ANKRD30A: variants seen among roughly 807,000 people sequenced by gnomAD.
The protein encoded by ANKRD30A is ankyrin repeat domain-containing protein 30A.
Under a neutral mutation model 166.3 loss-of-function variants are expected in ANKRD30A, and 170 were observed. That is an observed-to-expected ratio of 1.02 (90% CI 0.90 to 1.16). ANKRD30A has a LOEUF of 1.16. Ranked by LOEUF, ANKRD30A falls within the 50% of genes most tolerant of loss-of-function variation. The pLI is 0.00. For synonymous variants in ANKRD30A, 564 were observed against 508.9 expected (o/e 1.11, Z -1.46); for missense variants, 1,630 against 1,518.0 (o/e 1.07, Z -1.23).
chr10:37,193,962 A>C (rs1840829323), intron 27 of ANKRD30A, among the ~76,000 whole-genome samples: 1 of 152,146 alleles, frequency 6.6e-6, no homozygotes, highest in Non-Finnish European at 1.5e-5. Context: ...TGGGAGAGAA[A>C]GGCAGACAGA....
the ANKRD30A span, among the ~76,000 whole-genome samples, chr10:37,237,744 C>A: frequency 4.6e-5 from 7 of 152,292 alleles, no homozygotes; most frequent in South Asian, 1.4e-3. Flanking sequence ...TTTAATATCT[C>A]ATAAGCTATA....
chr10:37,167,152 C>T lies in ANKRD30A; in HGVS notation c.2155+457C>T, dbSNP rs183303792. Among the ~76,000 whole-genome samples the T allele has an allele frequency of 5.4e-3, 812 of 151,586 alleles. 12 individuals carry two copies. Among genetic ancestry groups the T allele is most frequent in the African/African-American group, 0.019 (778 of 41,198 alleles). ...GAAGGAAAATGGAGTGAGCTCACTT[C>T]GGAAGCATTTAGAAAAGTTTTACTG... On this transcript the variant is annotated intron_variant, in intron 19 of 35. Transcript: ENST00000361713.
intron 5 of ANKRD30A, among the ~76,000 whole-genome samples, chr10:37,134,742 A>G (rs1242472269): frequency 1.3e-5 from 2 of 152,218 alleles, no homozygotes; most frequent in Non-Finnish European, 1.5e-5. Context: ...TGTGAAACCC[A>G]CATCTTAGCC....
intron 7 of ANKRD30A, among the ~76,000 whole-genome samples, chr10:37,144,489 G>A (rs186226526): frequency 6.6e-6 from 1 of 152,150 alleles, no homozygotes. Flanking sequence ...TACTGTCATG[G>A]CATATTGAAA....
intron 31 of ANKRD30A, among the ~76,000 whole-genome samples, chr10:37,209,360 G>A (rs2132714914): frequency 6.6e-6 from 1 of 152,250 alleles, no homozygotes. Flanking sequence ...GAGGCCTGTG[G>A]AAGCTTACAA....
At chr10:37,183,778 A>G (rs1840202137) in intron 24 of ANKRD30A, among the ~76,000 whole-genome samples, 1 of 148,234 alleles carries the variant, frequency 6.7e-6, no homozygotes, top group Non-Finnish European at 1.5e-5. Context: ...GCAGTTTTAT[A>G]TTTAAAGTAT....
At chr10:37,156,078 C>CA (rs35340454) in intron 13 of ANKRD30A, among the ~76,000 whole-genome samples, 19,090 of 132,098 alleles carry the variant, frequency 0.14, 1,406 homozygotes, top group Middle Eastern at 0.23. Context: ...GATACGCTAT[C>CA]AAAAAAAAAA....
At chr10:37,201,501 T>C (rs992422452) in intron 31 of ANKRD30A, among the ~76,000 whole-genome samples, 176 bp downstream of exon 31, 3 of 152,050 alleles carry the variant, frequency 2.0e-5, no homozygotes, top group African/African-American at 7.2e-5. Context: ...AAAGACTATA[T>C]TGAGAGTGCT....
intron 31 of ANKRD30A, among the ~76,000 whole-genome samples, chr10:37,210,885 G>C (rs1842271392): frequency 6.6e-6 from 1 of 152,122 alleles, no homozygotes. Context: ...CAGATGGATA[G>C]ATTGCAAAAA....
intron 34 of ANKRD30A, among the ~76,000 whole-genome samples, chr10:37,225,638 G>T (rs1014389850): frequency 1.3e-5 from 2 of 151,658 alleles, no homozygotes; most frequent in South Asian, 4.1e-4. Flanking sequence ...ATTTTTTTGG[G>T]CTTGATTCTA....
chr10:37,236,312 G>A (rs963183826), downstream of ANKRD30A, among the ~76,000 whole-genome samples: 4 of 152,136 alleles, frequency 2.6e-5, no homozygotes, highest in Admixed American at 6.5e-5. Context: ...CTAATGGGAA[G>A]ACATGGCTCA....
intron 27 of ANKRD30A, among the ~76,000 whole-genome samples, chr10:37,195,718 C>A (rs1841027358): frequency 6.6e-6 from 1 of 152,170 alleles, no homozygotes; most frequent in Non-Finnish European, 1.5e-5. Flanking sequence ...CACAGTGAAA[C>A]CCTGTCTCTA....
chr10:37,172,246 C>A (rs112875028), intron 21 of ANKRD30A, among the ~76,000 whole-genome samples: 1 of 105,354 alleles, frequency 9.5e-6, no homozygotes, highest in African/African-American at 4.0e-5. Context: ...GGCGATGCTG[C>A]TGCTGGTGGT....
chr10:37,137,057 A>G (rs1836748239), intron 6 of ANKRD30A, among the ~76,000 whole-genome samples: 1 of 152,022 alleles, frequency 6.6e-6, no homozygotes, highest in African/African-American at 2.4e-5. Context: ...TAGGCTTGTT[A>G]TAAAATGTAT....
At chr10:37,148,706 C>A (rs1837688897) in intron 9 of ANKRD30A, among the ~76,000 whole-genome samples, 1 of 151,960 alleles carries the variant, frequency 6.6e-6, no homozygotes, top group African/African-American at 2.4e-5. Context: ...TTCTATGTTA[C>A]AATCAGGCAT....
chr10:37,134,107 T>G (rs1396660703), intron 5 of ANKRD30A, 54 bp downstream of exon 5: 1 of 1,592,482 alleles, frequency 6.3e-7, no homozygotes, highest in African/African-American at 1.3e-5. Context: ...TTTCAGGTAG[T>G]TTTTGAATTA....
At chr10:37,165,735 T>A (rs1029216290) in intron 18 of ANKRD30A, among the ~76,000 whole-genome samples, 2 of 152,128 alleles carry the variant, frequency 1.3e-5, no homozygotes, top group African/African-American at 2.4e-5. Context: ...AAAATATAAA[T>A]TATATTTTCA....
At chr10:37,232,654 TTATATATATATATATATATATATATA>T (rs10559316), downstream of ANKRD30A, 12 of 54,202 alleles carry the variant, frequency 2.2e-4, 1 homozygote, top group East Asian at 2.2e-3. Flanking sequence ...AGCATTGGTT[TTATATATATATATATATATATATATA>T]TATATATATA....
Position 37,167,652 on chromosome 10 carries a change from T to C in ANKRD30A, c.2155+957T>C, listed in dbSNP as rs188057413. On this transcript the variant is annotated intron_variant, in intron 19 of 35. Transcript: ENST00000361713. The stretch of plus-strand genomic sequence containing the variant: ...CCATTCCTGATGAGATTTGTACATC[T>C]TCCTGCATGAGTGGATTAAGAGATA... 1.3e-3 allele frequency among the ~76,000 whole-genome samples: 198 copies of C among 152,010 alleles called. 1 individual carries two copies. Among genetic ancestry groups the C allele is most frequent in the African/African-American group, 4.7e-3 (193 of 41,330 alleles).
Sources: gnomAD v4.1 joint callset for allele counts (sites outside exome capture counted in the v4.1 genomes callset) on GRCh38, gnomAD v4.1.1 for gene constraint, MANE v1.5 for transcripts, NCBI Gene and HGNC (gene_info 2026-07-23, HGNC 2026-07-21) for gene names.